ALPK1: variants seen among roughly 807,000 people sequenced by gnomAD.
ALPK1 encodes alpha-protein kinase 1.
A neutral mutation model predicts 120.6 loss-of-function variants in ALPK1; 110 were observed. The observed-to-expected ratio is 0.91, with a 90% confidence interval of 0.78 to 1.07. The LOEUF (loss-of-function observed/expected upper bound fraction) is 1.07, where lower values mean the gene tolerates loss of function less well. Among genes scored for constraint, ALPK1 ranks in the 50% least tolerant of loss-of-function variants. The pLI is 0.00. For synonymous variants in ALPK1, 582 were observed against 560.3 expected, an observed-to-expected ratio of 1.04 and a Z score of -0.55; for missense variants, 1,498 against 1,483.9, an observed-to-expected ratio of 1.01 and a Z score of -0.16.
intron 2 of ALPK1, among the ~76,000 whole-genome samples, chr4:112,323,586 G>A (rs1009830579): frequency 6.6e-6 from 1 of 152,014 alleles, no homozygotes; most frequent in Non-Finnish European, 1.5e-5. Context: ...ATACGTTTTG[G>A]ACAACATAGA....
chr4:112,437,575 A>G (rs1385969027), intron 12 of ALPK1, among the ~76,000 whole-genome samples: 1 of 152,232 alleles, frequency 6.6e-6, no homozygotes, highest in Non-Finnish European at 1.5e-5. Context: ...CGGTCTCTCC[A>G]TAGAAGAACT....
At chr4:112,392,794 G>T (rs772782694) in intron 4 of ALPK1, among the ~76,000 whole-genome samples, 1 of 152,200 alleles carries the variant, frequency 6.6e-6, no homozygotes, top group Non-Finnish European at 1.5e-5. Flanking sequence ...GCCTCCCAAA[G>T]TGCTGGGATT....
intron 4 of ALPK1, among the ~76,000 whole-genome samples, chr4:112,396,667 T>C (rs1005444378): frequency 6.6e-6 from 1 of 152,198 alleles, no homozygotes; most frequent in Non-Finnish European, 1.5e-5. Context: ...TCACCCTCAA[T>C]CCACTGTCAA....
intron 2 of ALPK1, among the ~76,000 whole-genome samples, chr4:112,317,704 G>T (rs972674212): frequency 6.6e-6 from 1 of 151,972 alleles, no homozygotes; most frequent in Admixed American, 6.6e-5. Flanking sequence ...CAAGTCCCTT[G>T]AGATTCTATA....
At chr4:112,417,835 A>C (rs752336018) in intron 5 of ALPK1, among the ~76,000 whole-genome samples, 2 of 152,220 alleles carry the variant, frequency 1.3e-5, no homozygotes, top group Non-Finnish European at 2.9e-5. Context: ...ACATGCACAG[A>C]ATAAAGAAGA....
At chr4:112,305,058 G>T (rs575532018) in intron 1 of ALPK1, among the ~76,000 whole-genome samples, 2 of 152,188 alleles carry the variant, frequency 1.3e-5, no homozygotes, top group East Asian at 3.9e-4. Context: ...TCAGATGGTT[G>T]TAGAGGTGTG....
chr4:112,342,846 T>C (rs941442219), intron 2 of ALPK1, among the ~76,000 whole-genome samples: 3 of 152,226 alleles, frequency 2.0e-5, no homozygotes, highest in African/African-American at 7.2e-5. Context: ...TTCCAGTAAA[T>C]GTTAGAGCTA....
At chr4:112,416,372 G>C (rs1578554249) in intron 5 of ALPK1, among the ~76,000 whole-genome samples, 1 of 152,154 alleles carries the variant, frequency 6.6e-6, no homozygotes, top group African/African-American at 2.4e-5. Context: ...AACAGTGGGG[G>C]AGAAAATTAT....
rs1334442846 is a variant in ALPK1, at chr4:112,377,722, T to A, written c.-56T>A. On this transcript the variant is annotated 5_prime_UTR_variant, in exon 3 of 16. Transcript: ENST00000650871. ...GCTCCTTTATTGAGAATCAATGTCT[T>A]CTCCTAGGTAATTGATCACCCTAGA... is the stretch of plus-strand genomic sequence containing the variant. 1 of 1,454,462 alleles carries A rather than the reference T, an allele frequency of 6.9e-7. No individual in the cohort carries two copies. Among genetic ancestry groups the A allele is most frequent in the East Asian group, 2.5e-5 (1 of 39,358 alleles). 90.1% of individuals were successfully genotyped at this position (1,454,462 alleles called of 1,614,324 possible).
At chr4:112,425,119 T>C (rs1390942587) in intron 6 of ALPK1, 1 of 152,286 alleles carries the variant, frequency 6.6e-6, no homozygotes, top group Admixed American at 6.5e-5. Flanking sequence ...TTACTTACCC[T>C]AGAAAGTCTC....
At chr4:112,401,852 T>C (rs146239737) in intron 4 of ALPK1, among the ~76,000 whole-genome samples, 6 of 152,368 alleles carry the variant, frequency 3.9e-5, no homozygotes, top group African/African-American at 1.4e-4. Flanking sequence ...CAACTATTTT[T>C]CAGAAGGGTT....
chr4:112,389,276 C>T (rs917099921), intron 4 of ALPK1, among the ~76,000 whole-genome samples: 1 of 152,128 alleles, frequency 6.6e-6, no homozygotes, highest in Non-Finnish European at 1.5e-5. Context: ...ATCTCCTGAC[C>T]TTGTGATCCG....
rs1733023285 is a variant in ALPK1, at chr4:112,403,549, T to C, written c.277-8278T>C. Among the ~76,000 whole-genome samples, 4 of 152,180 alleles carry C rather than the reference T, an allele frequency of 2.6e-5. No homozygotes were observed. In the South Asian group the frequency reaches 8.3e-4, roughly 32 times the overall value. ...GAGTTAAATTATGCAGCTGCGGGGA[T>C]GCCAGGTCCTCCAGAATAGGATGCT... is the stretch of plus-strand genomic sequence containing the variant. On this transcript the variant is annotated intron_variant, in intron 4 of 15. Coordinates refer to ENST00000650871, the MANE Select transcript of ALPK1 (RefSeq NM_025144.4).
At chr4:112,433,423 T>A (rs1019164494) in intron 11 of ALPK1, among the ~76,000 whole-genome samples, 33 of 152,152 alleles carry the variant, frequency 2.2e-4, no homozygotes, top group Admixed American at 1.2e-3. Flanking sequence ...CCTCCCAAAG[T>A]CTCCAGCTCC....
chr4:112,416,798 A>G (rs1325316985), intron 5 of ALPK1, among the ~76,000 whole-genome samples: 1 of 150,968 alleles, frequency 6.6e-6, no homozygotes, highest in African/African-American at 2.4e-5. Flanking sequence ...ATCTCTTGAG[A>G]CCAGGAGATT....
Position 112,420,640 on chromosome 4 carries a change from C to T in ALPK1, c.476-3304C>T, listed in dbSNP as rs150896493. Among the ~76,000 whole-genome samples, 22 of 152,254 alleles carry T rather than the reference C, an allele frequency of 1.4e-4. 1 individual carries two copies. The East Asian group carries it at 4.0e-3, about 28-fold the overall frequency. On this transcript the variant is annotated intron_variant, in intron 5 of 15. Transcript: ENST00000650871. ...AAAAGCGGGGGAAATGAGAGTCACT[C>T]AGCAGTCACGGTTCATATTAATCTA... is the stretch of plus-strand genomic sequence containing the variant.
At chr4:112,384,180 T>C (rs1732049334) in intron 4 of ALPK1, 1 of 152,198 alleles carries the variant, frequency 6.6e-6, no homozygotes, top group African/African-American at 2.4e-5. Flanking sequence ...GACCAGTAAG[T>C]GGTGAAATTG....
chr4:112,353,914 T>C (rs1460523219), intron 2 of ALPK1, among the ~76,000 whole-genome samples: 1 of 151,668 alleles, frequency 6.6e-6, no homozygotes, highest in Non-Finnish European at 1.5e-5. Flanking sequence ...TTGTGCAGGG[T>C]TTCCCATTGT....
chr4:112,312,474 A>G (rs768562068), intron 1 of ALPK1, among the ~76,000 whole-genome samples: 8 of 152,102 alleles, frequency 5.3e-5, no homozygotes, highest in Non-Finnish European at 7.4e-5. Flanking sequence ...GGGTTTCACC[A>G]TGTTAGCCAG....
Sources: allele counts gnomAD v4.1 joint callset (sites outside exome capture counted in the v4.1 genomes callset), GRCh38; gene constraint gnomAD v4.1.1; transcripts MANE v1.5; gene names NCBI Gene and HGNC (gene_info 2026-07-23, HGNC 2026-07-21).